The following LINGO2 variants were observed in gnomAD, a reference collection of about 807,000 sequenced individuals.
LINGO2 encodes leucine rich repeat and Ig domain containing 2.
A neutral mutation model predicts 30.6 loss-of-function variants in LINGO2; 14 were observed. The observed-to-expected ratio is 0.46, with a 90% CI of 0.30 to 0.72. The LOEUF is 0.72. LINGO2 is among the 30% of genes least tolerant of loss of function. The pLI is 0.07. For synonymous variants in LINGO2, 317 were observed against 288.5 expected, an observed-to-expected ratio of 1.10 and a Z score of -1.00; for missense variants, 729 against 751.7, an observed-to-expected ratio of 0.97 and a Z score of 0.35.
At chr9:28,635,497 G>A (rs1382773197) in intron 1 of LINGO2, among the ~76,000 whole-genome samples, 2 of 152,088 alleles carry the variant, frequency 1.3e-5, no homozygotes, top group African/African-American at 4.8e-5. Context: ...GGGGAAACAG[G>A]AGACAGGGAA....
chr9:29,210,505 G>C, the LINGO2 span, among the ~76,000 whole-genome samples: 1 of 152,060 alleles, frequency 6.6e-6, no homozygotes, highest in African/African-American at 2.4e-5. Flanking sequence ...CTAAAATACT[G>C]TATTTTAAGA....
the LINGO2 span, among the ~76,000 whole-genome samples, chr9:29,109,546 A>C: frequency 6.6e-6 from 1 of 152,254 alleles, no homozygotes; most frequent in Non-Finnish European, 1.5e-5. Flanking sequence ...CTACAAGTTA[A>C]ATTTGAAATG....
chr9:28,308,784 C>G (rs1248277489), intron 3 of LINGO2, among the ~76,000 whole-genome samples: 1 of 152,040 alleles, frequency 6.6e-6, no homozygotes, highest in Admixed American at 6.5e-5. Context: ...CATGAACAGA[C>G]TCTTCTCAAA....
At chr9:28,772,611 C>T in the LINGO2 span, among the ~76,000 whole-genome samples, 2 of 152,362 alleles carry the variant, frequency 1.3e-5, no homozygotes, top group African/African-American at 4.8e-5. Flanking sequence ...TGAAAGCATA[C>T]CTTATTTCTT....
intron 4 of LINGO2, among the ~76,000 whole-genome samples, chr9:28,282,187 A>G (rs964489302): frequency 6.6e-6 from 1 of 152,174 alleles, no homozygotes; most frequent in African/African-American, 2.4e-5. Flanking sequence ...AGTTATTTCC[A>G]GGATACAAAT....
chr9:28,577,597 C>T (rs1008186859), intron 1 of LINGO2, among the ~76,000 whole-genome samples: 9 of 152,164 alleles, frequency 5.9e-5, no homozygotes, highest in African/African-American at 2.2e-4. Context: ...TGAATTCTTT[C>T]TCTATTGCAA....
chr9:28,146,608 G>C (rs978185099), intron 4 of LINGO2, among the ~76,000 whole-genome samples: 3 of 151,532 alleles, frequency 2.0e-5, no homozygotes, highest in Non-Finnish European at 2.9e-5. Flanking sequence ...TTTGAATATA[G>C]ATGGTTTCAA....
intron 1 of LINGO2, among the ~76,000 whole-genome samples, chr9:28,492,064 T>A (rs868315081): frequency 1.2e-4 from 19 of 152,358 alleles, no homozygotes; most frequent in Middle Eastern, 3.4e-3. Flanking sequence ...TATGGGGCAC[T>A]TAGTGTTGCC....
chr9:28,643,834 T>C (rs1231921514), intron 1 of LINGO2, among the ~76,000 whole-genome samples: 1 of 151,788 alleles, frequency 6.6e-6, no homozygotes, highest in African/African-American at 2.4e-5. Context: ...CAAACAACTC[T>C]ATAGAAAAAA....
chr9:28,103,060 C>T (rs976132062), intron 4 of LINGO2, among the ~76,000 whole-genome samples: 2 of 152,088 alleles, frequency 1.3e-5, no homozygotes, highest in Non-Finnish European at 2.9e-5. Flanking sequence ...TCAAAACATA[C>T]TTATATATAG....
At chr9:28,879,504 C>A in the LINGO2 span, among the ~76,000 whole-genome samples, 1 of 152,166 alleles carries the variant, frequency 6.6e-6, no homozygotes, top group African/African-American at 2.4e-5. Flanking sequence ...ATTTCATACA[C>A]AGCTAGATTC....
At chr9:28,212,757 A>G (rs568771466) in intron 4 of LINGO2, among the ~76,000 whole-genome samples, 1 of 151,530 alleles carries the variant, frequency 6.6e-6, no homozygotes, top group South Asian at 2.1e-4. Context: ...CATTTCAAGT[A>G]CTCAAAAGCC....
intron 2 of LINGO2, among the ~76,000 whole-genome samples, chr9:28,436,139 C>A (rs1348579016): frequency 6.6e-6 from 1 of 152,154 alleles, no homozygotes; most frequent in Non-Finnish European, 1.5e-5. Context: ...TTATCCATAG[C>A]AACAACCTGT....
the LINGO2 span, among the ~76,000 whole-genome samples, chr9:28,932,022 C>T: frequency 2.0e-5 from 3 of 151,486 alleles, no homozygotes; most frequent in African/African-American, 7.3e-5. Context: ...GCAGAAAAAT[C>T]GCCTGAACCG....
At chr9:28,563,323 G>A (rs1823202472) in intron 1 of LINGO2, among the ~76,000 whole-genome samples, 1 of 151,968 alleles carries the variant, frequency 6.6e-6, no homozygotes, top group South Asian at 2.1e-4. Context: ...ATTAAAATCG[G>A]GTACTTACAG....
chr9:28,683,387 T>C, the LINGO2 span, among the ~76,000 whole-genome samples: 2 of 152,040 alleles, frequency 1.3e-5, no homozygotes, highest in African/African-American at 4.8e-5. Context: ...ACCTGTCTGG[T>C]TTTGCACTGT....
the LINGO2 span, among the ~76,000 whole-genome samples, chr9:29,041,390 G>C: frequency 3.9e-5 from 6 of 152,062 alleles, no homozygotes; most frequent in African/African-American, 1.2e-4. Context: ...TTTTGAAAAA[G>C]AAGAATAAAG....
At chr9:28,396,463 G>T (rs1181907617) in intron 2 of LINGO2, among the ~76,000 whole-genome samples, 2 of 152,142 alleles carry the variant, frequency 1.3e-5, no homozygotes, top group Admixed American at 6.5e-5. Context: ...CCAGCACTTT[G>T]GGAGGCCGAG....
intron 2 of LINGO2, among the ~76,000 whole-genome samples, chr9:28,392,166 G>A (rs531804618): frequency 4.6e-5 from 7 of 152,284 alleles, no homozygotes; most frequent in South Asian, 2.1e-4. Context: ...TTGTGCCACA[G>A]CGTTCCAGCC....
Sources: allele counts gnomAD v4.1 joint callset (sites outside exome capture counted in the v4.1 genomes callset), GRCh38; gene constraint gnomAD v4.1.1; transcripts MANE v1.5; gene names NCBI Gene and HGNC (gene_info 2026-07-23, HGNC 2026-07-21).